Variants in NAV3 observed in about 807,000 individuals in gnomAD.
NAV3 encodes the protein neuron navigator 3.
A neutral mutation model predicts 244.7 loss-of-function variants in NAV3; 87 were observed. The ratio of observed to expected loss-of-function variants is 0.36; its 90% CI spans 0.30 to 0.42. The LOEUF is 0.42. NAV3 is among the 20% of genes least tolerant of loss of function. The probability of loss-of-function intolerance (pLI) is 1.00; values close to 1 mark genes in which losing one functional copy is unlikely to be tolerated. For synonymous variants in NAV3, 1,126 were observed against 1,042.2 expected (o/e 1.08, Z -1.55); for missense variants, 2,663 against 2,893.3 (o/e 0.92, Z 1.83).
At chr12:77,593,029 A>G (rs1869979729) in intron 2 of NAV3, among the ~76,000 whole-genome samples, 1 of 152,114 alleles carries the variant, frequency 6.6e-6, no homozygotes, top group African/African-American at 2.4e-5. Flanking sequence ...ATGAGTCTCT[A>G]AGTTAAAGGG....
chr12:78,155,120 C>T (rs758556742), intron 22 of NAV3, among the ~76,000 whole-genome samples: 33 of 151,980 alleles, frequency 2.2e-4, no homozygotes, highest in Non-Finnish European at 3.8e-4. Context: ...ATCAACTCAT[C>T]GCCTAGATAT....
intron 12 of NAV3, among the ~76,000 whole-genome samples, chr12:78,084,911 A>C (rs1386244661): frequency 6.6e-6 from 1 of 152,036 alleles, no homozygotes; most frequent in African/African-American, 2.4e-5. Context: ...TCCTCTTGTA[A>C]AATTATTTAT....
At chr12:77,782,854 T>G (rs1458394399) in intron 2 of NAV3, among the ~76,000 whole-genome samples, 3 of 152,172 alleles carry the variant, frequency 2.0e-5, no homozygotes, top group African/African-American at 7.2e-5. Context: ...ATACTTTAAT[T>G]TTTTTTCTCT....
At chr12:77,840,134 G>T (rs1395208397) in intron 1 of NAV3, among the ~76,000 whole-genome samples, 1 of 151,898 alleles carries the variant, frequency 6.6e-6, no homozygotes, top group Non-Finnish European at 1.5e-5. Context: ...TGGGAAAAAA[G>T]AACATTTTAT....
chr12:77,966,325 G>A, intron 4 of NAV3, 24 bp downstream of exon 4: 1 of 1,559,802 alleles, frequency 6.4e-7, no homozygotes, highest in Non-Finnish European at 8.8e-7. Context: ...TGACTGAATT[G>A]TCACAAATGG....
chr12:78,177,786 A>G (rs1430976773), intron 28 of NAV3, 101 bp downstream of exon 28: 8 of 978,512 alleles, frequency 8.2e-6, no homozygotes, highest in Non-Finnish European at 1.2e-5. Flanking sequence ...GCATTTCAAC[A>G]ATAAATACCT....
intron 2 of NAV3, among the ~76,000 whole-genome samples, chr12:77,815,801 G>C (rs1416793975): frequency 2.6e-5 from 4 of 152,086 alleles, no homozygotes; most frequent in Non-Finnish European, 5.9e-5. Context: ...CTATCAAAAT[G>C]AGAACTTGGG....
At chr12:78,140,774 G>C (rs1466356411) in intron 20 of NAV3, among the ~76,000 whole-genome samples, 2 of 151,586 alleles carry the variant, frequency 1.3e-5, no homozygotes, top group African/African-American at 4.8e-5. Context: ...GATTATCGAA[G>C]GGTAAAAGCA....
intron 20 of NAV3, among the ~76,000 whole-genome samples, chr12:78,142,182 C>T (rs901295826): frequency 2.0e-5 from 3 of 152,000 alleles, no homozygotes; most frequent in Non-Finnish European, 1.5e-5. Flanking sequence ...TAGATTTGAT[C>T]GTTACACAGC....
At chr12:77,599,791 C>T (rs1207262987) in intron 2 of NAV3, among the ~76,000 whole-genome samples, 1 of 151,774 alleles carries the variant, frequency 6.6e-6, no homozygotes, top group Non-Finnish European at 1.5e-5. Context: ...TTATAAAATA[C>T]TGTGAGACAT....
chr12:77,960,484 CAT>C (rs1411057758), intron 3 of NAV3, among the ~76,000 whole-genome samples: 3 of 147,196 alleles, frequency 2.0e-5, no homozygotes, highest in Non-Finnish European at 3.0e-5. Context: ...TACATAAACA[CAT>C]ATATATATAA....
At chr12:78,111,578 C>T (rs536935219) in intron 12 of NAV3, among the ~76,000 whole-genome samples, 1 of 152,168 alleles carries the variant, frequency 6.6e-6, no homozygotes, top group African/African-American at 2.4e-5. Context: ...ACTAGATAGG[C>T]TTTTACAGAG....
intron 9 of NAV3, among the ~76,000 whole-genome samples, chr12:78,042,690 G>A (rs186363697): frequency 8.5e-4 from 130 of 152,278 alleles, no homozygotes; most frequent in African/African-American, 2.9e-3. Context: ...TTGAGAGGCC[G>A]AAGCAGGGGA....
At position 77,930,210 on chromosome 12, in the gene NAV3, A is replaced by T. The variant is rs143650482; in HGVS notation, c.244-10109A>T. On this transcript the variant is annotated intron_variant, in intron 1 of 39. Transcript: ENST00000397909. ...TGGTATATAAGGACTTTGCTTCTTT[A>T]TAACCCCCTTCTTCTCTGCACTACC... Among the ~76,000 whole-genome samples the T allele has an allele frequency of 2.6e-3, 401 of 152,172 alleles. 5 individuals carry two copies. Among genetic ancestry groups the T allele is most frequent in the African/African-American group, 8.2e-3 (339 of 41,520 alleles).
At chr12:77,787,201 A>G (rs984304190) in intron 2 of NAV3, among the ~76,000 whole-genome samples, 1 of 152,130 alleles carries the variant, frequency 6.6e-6, no homozygotes, top group South Asian at 2.1e-4. Context: ...TGTGACCAAC[A>G]TATTTTACTG....
rs538546137 is a variant in NAV3 at position 77,598,011 on chromosome 12, A to G, written c.72+25745A>G. Among the ~76,000 whole-genome samples the G allele has an allele frequency of 3.9e-3, 598 of 152,206 alleles. 3 individuals carry two copies. The highest frequency in any genetic ancestry group is 7.5e-3 in the Non-Finnish European group (507 of 67,958). ...AAAGGCTCTGAACACTGAAAAAAAT[A>G]CATCCCTAGTAATCACTCTATTTCA... On this transcript the variant is annotated intron_variant, in intron 2 of 8. Coordinates refer to the NAV3 transcript ENST00000550042.
chr12:77,843,542 C>G (rs1011369351), intron 1 of NAV3, among the ~76,000 whole-genome samples: 1 of 149,914 alleles, frequency 6.7e-6, no homozygotes, highest in African/African-American at 2.5e-5. Context: ...TTTTAGGAAT[C>G]TATAGTCATT....
chr12:77,966,264 A>G lies in NAV3; in HGVS notation c.450A>G (p.Ala150=), dbSNP rs1454204761. The part of the protein sequence containing the change: ...ENVDVCLSFL[A]ARGVNVQGLS... ...TTGATGTCTGCCTTAGTTTTCTAGC[A>G]GCCAGAGGGGTAAATGTTCAAGGTC... is the stretch of plus-strand genomic sequence containing the variant. The change falls in exon 4 of 40, where the codon GCA becomes GCG. Residue 150 remains alanine, a synonymous_variant. Coordinates refer to ENST00000397909, the MANE Select transcript of NAV3 (RefSeq NM_001024383.2). 1.2e-6 allele frequency: 2 copies of G among 1,613,740 alleles called. No individual in the cohort carries two copies. The highest frequency in any genetic ancestry group is 1.7e-5 in the Admixed American group (1 of 59,998).
intron 2 of NAV3, among the ~76,000 whole-genome samples, chr12:77,746,506 T>C (rs1304470816): frequency 6.6e-6 from 1 of 152,146 alleles, no homozygotes; most frequent in Non-Finnish European, 1.5e-5. Context: ...TGTATGTGTA[T>C]ACTATATTAC....
Sources: allele counts gnomAD v4.1 joint callset (sites outside exome capture counted in the v4.1 genomes callset), GRCh38; gene constraint gnomAD v4.1.1; transcripts MANE v1.5; gene names NCBI Gene and HGNC (gene_info 2026-07-23, HGNC 2026-07-21).